The following IQCM variants were observed in gnomAD, a reference collection of about 807,000 sequenced individuals.
The protein encoded by IQCM is IQ domain-containing protein M.
Under a neutral mutation model 57.6 loss-of-function variants are expected in IQCM, and 45 were observed. The observed-to-expected ratio is 0.78, with a 90% CI of 0.62 to 1.00. IQCM has a LOEUF of 1.00. Ranked by LOEUF, IQCM falls within the 50% of genes least tolerant of loss-of-function variation. IQCM has a pLI of 0.00. For synonymous variants in IQCM, 148 were observed against 158.9 expected (o/e 0.93, Z 0.51); for missense variants, 468 against 511.6 (o/e 0.91, Z 0.82).
chr4:149,353,708 T>C (rs1728729281), intron 13 of IQCM, among the ~76,000 whole-genome samples: 1 of 152,152 alleles, frequency 6.6e-6, no homozygotes, highest in Non-Finnish European at 1.5e-5. Context: ...TGATTTCACT[T>C]ACATGTGGAA....
At chr4:149,798,765 T>C (rs1182867201) in intron 2 of IQCM, among the ~76,000 whole-genome samples, 1 of 151,978 alleles carries the variant, frequency 6.6e-6, no homozygotes, top group Non-Finnish European at 1.5e-5. Context: ...TATATAACGA[T>C]GAAGGTGTCA....
intron 7 of IQCM, among the ~76,000 whole-genome samples, chr4:149,662,160 A>G (rs1760279992): frequency 6.6e-6 from 1 of 151,894 alleles, no homozygotes; most frequent in Non-Finnish European, 1.5e-5. Flanking sequence ...GTTTGTCACA[A>G]GGTATTTTTA....
chr4:149,487,644 C>T (rs748987597), intron 12 of IQCM, among the ~76,000 whole-genome samples: 3 of 152,178 alleles, frequency 2.0e-5, no homozygotes, highest in Non-Finnish European at 4.4e-5. Flanking sequence ...GCTAGGTAAG[C>T]TCCAAGTGCT....
rs1409335399 is a variant in IQCM at position 149,368,867 on chromosome 4, C to T, written c.1391-16801G>A. ...ACATATATATACATGTATATATATA[C>T]ATATATACACGTGTATATATATGTA... is the stretch of plus-strand genomic sequence containing the variant. On this transcript the variant is annotated intron_variant, in intron 13 of 13. Coordinates refer to ENST00000636793, the MANE Select transcript of IQCM (RefSeq NM_001363507.2). Among the ~76,000 whole-genome samples the T allele has an allele frequency of 3.1e-4, 15 of 49,118 alleles. 1 individual carries two copies. The highest frequency in any genetic ancestry group is 9.2e-4 in the South Asian group (2 of 2,178). 32.2% of individuals were successfully genotyped at this position (49,118 alleles called of 152,430 possible).
At chr4:149,423,312 G>A (rs997059300) in intron 13 of IQCM, among the ~76,000 whole-genome samples, 1 of 151,992 alleles carries the variant, frequency 6.6e-6, no homozygotes, top group African/African-American at 2.4e-5. Flanking sequence ...CAGATCTCGT[G>A]AGAACTCACA....
At chr4:149,799,560 A>G (rs1033178600) in intron 2 of IQCM, among the ~76,000 whole-genome samples, 1 of 151,870 alleles carries the variant, frequency 6.6e-6, no homozygotes, top group Admixed American at 6.6e-5. Context: ...TGGTTTTTTA[A>G]AAGTTAAACT....
chr4:149,457,948 T>C (rs1325882091), intron 12 of IQCM, among the ~76,000 whole-genome samples: 1 of 151,996 alleles, frequency 6.6e-6, no homozygotes, highest in African/African-American at 2.4e-5. Flanking sequence ...CACTGCTATA[T>C]GCACATCAGT....
intron 7 of IQCM, among the ~76,000 whole-genome samples, chr4:149,649,080 G>A (rs922397053): frequency 6.6e-6 from 1 of 152,012 alleles, no homozygotes; most frequent in African/African-American, 2.4e-5. Context: ...CATACACAAG[G>A]TGTAAATTCA....
intron 9 of IQCM, among the ~76,000 whole-genome samples, 169 bp from the exon 10 acceptor site, chr4:149,564,059 G>T (rs1448595544): frequency 6.6e-6 from 1 of 152,104 alleles, no homozygotes; most frequent in Non-Finnish European, 1.5e-5. Flanking sequence ...GACCTCCAAA[G>T]AAGGTTGAAT....
chr4:149,759,151 G>T (rs1212094859), intron 2 of IQCM, among the ~76,000 whole-genome samples: 1 of 152,160 alleles, frequency 6.6e-6, no homozygotes, highest in Non-Finnish European at 1.5e-5. Flanking sequence ...CTGGGTGAAA[G>T]AAGCTAATCT....
At chr4:149,614,782 A>G (rs953446585) in intron 8 of IQCM, among the ~76,000 whole-genome samples, 3 of 152,184 alleles carry the variant, frequency 2.0e-5, no homozygotes, top group Non-Finnish European at 4.4e-5. Flanking sequence ...ACAAATTTGT[A>G]ATGGACCTCA....
chr4:149,502,390 T>C (rs1174073362), intron 12 of IQCM, among the ~76,000 whole-genome samples: 2 of 152,118 alleles, frequency 1.3e-5, no homozygotes, highest in Admixed American at 6.6e-5. Flanking sequence ...GCTGGGTGCA[T>C]GCCTTTAAAG....
chr4:149,662,130 T>C (rs1326130490), intron 7 of IQCM, among the ~76,000 whole-genome samples: 2 of 152,092 alleles, frequency 1.3e-5, no homozygotes, highest in Admixed American at 1.3e-4. Flanking sequence ...TGGGTTTTGG[T>C]ATGATGTGTT....
intron 12 of IQCM, among the ~76,000 whole-genome samples, chr4:149,440,411 T>C (rs1735822960): frequency 6.6e-6 from 1 of 152,090 alleles, no homozygotes; most frequent in Non-Finnish European, 1.5e-5. Flanking sequence ...TATTCATTAC[T>C]AATATCAGTT....
chr4:149,416,320 T>C lies in IQCM; in HGVS notation c.1390+17076A>G, dbSNP rs190363512. ...AATATATTCCTGAGAAAATATCTATTTTTGTATTCAATATAATTTTTTTTA... is the reference window on the plus strand; with the variant it reads ...AATATATTCCTGAGAAAATATCTATCTTTGTATTCAATATAATTTTTTTTA... On this transcript the variant is annotated intron_variant, in intron 13 of 13. Coordinates refer to ENST00000636793, the MANE Select transcript of IQCM (RefSeq NM_001363507.2). 1.1e-3 allele frequency among the ~76,000 whole-genome samples: 175 copies of C among 152,274 alleles called. 1 individual carries two copies. Among genetic ancestry groups the C allele is most frequent in the Middle Eastern group, 3.4e-3 (1 of 294 alleles).
chr4:149,765,280 A>G (rs1769934308), intron 2 of IQCM, among the ~76,000 whole-genome samples: 1 of 152,144 alleles, frequency 6.6e-6, no homozygotes, highest in Admixed American at 6.6e-5. Context: ...TGGCATTATT[A>G]TGAAGTATGA....
chr4:149,567,234 T>C (rs1483399813), intron 9 of IQCM, among the ~76,000 whole-genome samples: 1 of 152,176 alleles, frequency 6.6e-6, no homozygotes, highest in Non-Finnish European at 1.5e-5. Flanking sequence ...GTTATTTGCG[T>C]CTCTGTTACT....
At chr4:149,508,710 G>A (rs1330104406) in intron 12 of IQCM, among the ~76,000 whole-genome samples, 2 of 152,192 alleles carry the variant, frequency 1.3e-5, no homozygotes, top group Non-Finnish European at 2.9e-5. Context: ...AGTTAATGCT[G>A]AAATGAGTTA....
intron 2 of IQCM, among the ~76,000 whole-genome samples, chr4:149,797,895 T>C (rs1018118265): frequency 6.6e-6 from 1 of 151,486 alleles, no homozygotes; most frequent in African/African-American, 2.4e-5. Flanking sequence ...AAAAGCTGAG[T>C]GATTTCATCA....
Sources: gnomAD v4.1 joint callset for allele counts (sites outside exome capture counted in the v4.1 genomes callset) on GRCh38, gnomAD v4.1.1 for gene constraint, MANE v1.5 for transcripts, NCBI Gene and HGNC (gene_info 2026-07-23, HGNC 2026-07-21) for gene names.